The following INPP4B variants were observed in gnomAD, a reference collection of about 807,000 sequenced individuals.
INPP4B encodes inositol polyphosphate 4-phosphatase type II.
In INPP4B, 55 loss-of-function variants were observed where a neutral mutation model predicts 122.5. The observed-to-expected ratio is 0.45, with a 90% CI of 0.36 to 0.56. The LOEUF is 0.56. INPP4B is among the 20% of genes least tolerant of loss of function. The pLI is 0.00. For missense variants in INPP4B, 1,000 were observed against 1,097.7 expected (o/e 0.91, Z 1.26); for synonymous variants, 403 against 388.7 (o/e 1.04, Z -0.43).
At chr4:142,597,291 C>A (rs1347635188) in intron 2 of INPP4B, among the ~76,000 whole-genome samples, 2 of 152,198 alleles carry the variant, frequency 1.3e-5, no homozygotes, top group Non-Finnish European at 2.9e-5. Flanking sequence ...CATGTTTCCA[C>A]ACATGGACAA....
At chr4:142,382,655 AT>A (rs1162401347) in intron 7 of INPP4B, among the ~76,000 whole-genome samples, 2 of 142,182 alleles carry the variant, frequency 1.4e-5, no homozygotes, top group African/African-American at 5.3e-5. Context: ...TATTATATAT[AT>A]TTATATATAT....
intron 5 of INPP4B, chr4:142,423,868 C>T (rs763962088): frequency 3.9e-5 from 16 of 414,684 alleles, no homozygotes; most frequent in Middle Eastern, 4.8e-4. Context: ...CCACTCTTCC[C>T]AAAGGATCAG....
At chr4:142,050,998 CTTA>C (rs1754272109) in intron 25 of INPP4B, among the ~76,000 whole-genome samples, 1 of 151,918 alleles carries the variant, frequency 6.6e-6, no homozygotes, top group African/African-American at 2.4e-5. Context: ...GACTTCCAAA[CTTA>C]TTTATTCCCT....
At chr4:142,737,729 T>C (rs1367844751) in intron 1 of INPP4B, among the ~76,000 whole-genome samples, 2 of 152,110 alleles carry the variant, frequency 1.3e-5, no homozygotes, top group Non-Finnish European at 2.9e-5. Flanking sequence ...AAAGGGCTAA[T>C]ATCCAGAATC....
At chr4:142,602,480 T>A (rs1293505456) in intron 2 of INPP4B, among the ~76,000 whole-genome samples, 1 of 152,122 alleles carries the variant, frequency 6.6e-6, no homozygotes, top group Non-Finnish European at 1.5e-5. Flanking sequence ...AAAACTATTT[T>A]AAAATTTATT....
chr4:142,279,545 A>G (rs1337907226), intron 9 of INPP4B, among the ~76,000 whole-genome samples: 2 of 135,532 alleles, frequency 1.5e-5, no homozygotes, highest in Non-Finnish European at 3.2e-5. Context: ...ATCCATTTGG[A>G]AAAAAAATAA....
intron 18 of INPP4B, among the ~76,000 whole-genome samples, chr4:142,140,297 A>C (rs1470600761): frequency 2.6e-5 from 4 of 152,234 alleles, no homozygotes. Flanking sequence ...GATTAGGAAA[A>C]ATAATTCAAT....
chr4:142,770,647 T>C (rs1772900460), intron 1 of INPP4B, among the ~76,000 whole-genome samples: 1 of 152,074 alleles, frequency 6.6e-6, no homozygotes, highest in African/African-American at 2.4e-5. Flanking sequence ...TTAATAGGAA[T>C]TTAAGTTTCC....
chr4:142,426,233 G>A (rs1155075), intron 5 of INPP4B, among the ~76,000 whole-genome samples: 99,175 of 151,782 alleles, frequency 0.65, 32,601 homozygotes, highest in Non-Finnish European at 0.69. Context: ...GTTCATAGAA[G>A]TGTATTTTAT....
At chr4:142,289,919 T>C (rs1422103325) in intron 9 of INPP4B, among the ~76,000 whole-genome samples, 1 of 152,164 alleles carries the variant, frequency 6.6e-6, no homozygotes, top group African/African-American at 2.4e-5. Context: ...TTCTTCAAAA[T>C]GTATCCAGAA....
intron 17 of INPP4B, among the ~76,000 whole-genome samples, chr4:142,151,739 T>G (rs1368705218): frequency 6.6e-6 from 1 of 152,194 alleles, no homozygotes; most frequent in African/African-American, 2.4e-5. Flanking sequence ...TATAGTTGGG[T>G]AGACCTAGAT....
At chr4:142,552,139 G>A (rs1035060743) in intron 2 of INPP4B, among the ~76,000 whole-genome samples, 1 of 152,170 alleles carries the variant, frequency 6.6e-6, no homozygotes, top group South Asian at 2.1e-4. Flanking sequence ...TTTGAGTAAG[G>A]AGGCTCTTTG....
At chr4:142,302,190 C>T (rs867701329) in intron 9 of INPP4B, among the ~76,000 whole-genome samples, 30 of 152,072 alleles carry the variant, frequency 2.0e-4, no homozygotes, top group Non-Finnish European at 2.6e-4. Context: ...CAGGCCCTTT[C>T]ACACTTTTCC....
chr4:142,511,431 T>G (rs368551330), intron 2 of INPP4B, among the ~76,000 whole-genome samples: 36 of 152,290 alleles, frequency 2.4e-4, no homozygotes, highest in African/African-American at 8.4e-4. Flanking sequence ...TTTTTTATCA[T>G]CTAGAAATCC....
chr4:142,364,434 T>C (rs1332910660), intron 7 of INPP4B, among the ~76,000 whole-genome samples: 1 of 152,066 alleles, frequency 6.6e-6, no homozygotes, highest in Non-Finnish European at 1.5e-5. Flanking sequence ...TCTAACACGC[T>C]AATTAAGAGG....
intron 1 of INPP4B, among the ~76,000 whole-genome samples, chr4:142,777,975 A>G (rs767833534): frequency 6.6e-6 from 1 of 152,202 alleles, no homozygotes; most frequent in Non-Finnish European, 1.5e-5. Context: ...CAAGACAGTG[A>G]CAGCAGAGCC....
chr4:142,173,425 G>GAA (rs34846567), intron 16 of INPP4B, among the ~76,000 whole-genome samples: 1 of 135,118 alleles, frequency 7.4e-6, no homozygotes, highest in Admixed American at 7.5e-5. Context: ...TTCCTACTAA[G>GAA]AAAAAAAAAA....
At chr4:142,271,985 A>C (rs746433097) in intron 9 of INPP4B, among the ~76,000 whole-genome samples, 1 of 152,194 alleles carries the variant, frequency 6.6e-6, no homozygotes, top group Non-Finnish European at 1.5e-5. Context: ...TTTTCACTTG[A>C]GCCTTTTGTG....
rs996201149 is a variant in INPP4B at position 142,821,461 on chromosome 4, G to T, written c.-254+24748C>A. 3.9e-5 allele frequency among the ~76,000 whole-genome samples: 6 copies of T among 151,964 alleles called. No homozygotes were observed. In the East Asian group the frequency reaches 5.8e-4, roughly 15 times the overall value. On this transcript the variant is annotated intron_variant, in intron 1 of 25. Transcript: ENST00000262992. ...ATAATCCAAAATGTTACCAATATAA[G>T]CATAACAATAATATACATTTTCTAC...
Sources: allele counts gnomAD v4.1 joint callset (sites outside exome capture counted in the v4.1 genomes callset), GRCh38; gene constraint gnomAD v4.1.1; transcripts MANE v1.5; gene names NCBI Gene and HGNC (gene_info 2026-07-23, HGNC 2026-07-21).